N4BP2: variants seen among roughly 807,000 people sequenced by gnomAD.
N4BP2 encodes NEDD4-binding protein 2.
A neutral mutation model predicts 152.8 loss-of-function variants in N4BP2; 91 were observed. That is an observed-to-expected ratio of 0.60 (90% CI 0.50 to 0.71). N4BP2 has a LOEUF of 0.71. N4BP2 is among the 30% of genes least tolerant of loss of function. The pLI is 0.00. For missense variants in N4BP2, 1,923 were observed against 2,059.1 expected (o/e 0.93, Z 1.28); for synonymous variants, 646 against 705.3 (o/e 0.92, Z 1.33).
Position 40,121,779 on chromosome 4 carries a change from G to A in N4BP2, c.3668G>A (p.Ser1223Asn). 1 of 1,614,030 alleles carries A rather than the reference G, an allele frequency of 6.2e-7. No homozygotes were observed. Among genetic ancestry groups the A allele is most frequent in the South Asian group, 1.1e-5 (1 of 91,074 alleles). ...GAATCGATGACAAGTATATTTCCCA[G>A]TGCTGCTGTGGGTCTAAAGAATAAT... is the stretch of plus-strand genomic sequence containing the variant. ...NHESMTSIFP[S>N]AAVGLKNNND... is the part of the protein sequence containing the mutation. Residue 1223 changes from serine (S) to asparagine (N), a missense_variant, in exon 9 of 18, where the codon AGT (serine) becomes AAT (asparagine). Physicochemically the swap from Ser to Asn is conservative, Grantham distance 46 (BLOSUM62 1). Coordinates refer to ENST00000261435, the MANE Select transcript of N4BP2 (RefSeq NM_018177.6).
chr4:40,157,698 A>G lies in N4BP2; in HGVS notation c.*3461A>G, dbSNP rs1721712299. The G allele has an allele frequency of 6.6e-6, 1 of 152,198 alleles. No individual in the cohort carries two copies. The highest frequency in any genetic ancestry group is 1.5e-5 in the Non-Finnish European group (1 of 68,016). The allele number at this position is 152,198 out of a possible 1,614,324, so 9.4% of individuals were successfully genotyped here. On this transcript the variant is annotated 3_prime_UTR_variant, in exon 18 of 18. Coordinates refer to ENST00000261435, the MANE Select transcript of N4BP2 (RefSeq NM_018177.6). ...TAATTTTTCGGTGTAGTAGTTAAAT[A>G]TTGCTCAATTTTTATTTACATGTAA...
chr4:40,113,569 T>A, intron 7 of N4BP2, 61 bp downstream of exon 7: 1 of 1,165,910 alleles, frequency 8.6e-7, no homozygotes, highest in Non-Finnish European at 1.3e-6. Flanking sequence ...AAGGTCCGTT[T>A]AGATTTTTCC....
chr4:40,115,788 A>G (rs939202961), intron 7 of N4BP2, among the ~76,000 whole-genome samples: 10 of 152,134 alleles, frequency 6.6e-5, no homozygotes, highest in African/African-American at 2.4e-4. Context: ...TTTTTTATAC[A>G]TTTCATATTT....
the N4BP2 span, among the ~76,000 whole-genome samples, chr4:40,177,097 C>G: frequency 4.6e-5 from 7 of 152,186 alleles, no homozygotes; most frequent in Admixed American, 2.6e-4. Context: ...GGAAAGCTAG[C>G]CTGCTTCTCT....
At chr4:40,088,500 T>C (rs1392808378) in intron 2 of N4BP2, among the ~76,000 whole-genome samples, 1 of 138,762 alleles carries the variant, frequency 7.2e-6, no homozygotes, top group Non-Finnish European at 1.6e-5. Flanking sequence ...TATCTCATTA[T>C]AGTTTTTTTT....
intron 16 of N4BP2, among the ~76,000 whole-genome samples, chr4:40,149,962 C>T (rs2109280807): frequency 6.6e-6 from 1 of 151,548 alleles, no homozygotes; most frequent in Non-Finnish European, 1.5e-5. Flanking sequence ...CAAGGTAATA[C>T]TTGGTCAAGA....
At chr4:40,171,255 T>C in the N4BP2 span, among the ~76,000 whole-genome samples, 1 of 152,210 alleles carries the variant, frequency 6.6e-6, no homozygotes, top group Non-Finnish European at 1.5e-5. Context: ...CCATCCCTTC[T>C]GCCAAAAACT....
intron 10 of N4BP2, among the ~76,000 whole-genome samples, chr4:40,123,576 A>C (rs1579082788): frequency 6.6e-6 from 1 of 152,020 alleles, no homozygotes; most frequent in Non-Finnish European, 1.5e-5. Flanking sequence ...GCCTTGAACT[A>C]CTGGGCACAT....
chr4:40,160,113 C>T (rs1721818324), downstream of N4BP2, among the ~76,000 whole-genome samples: 1 of 152,122 alleles, frequency 6.6e-6, no homozygotes, highest in Non-Finnish European at 1.5e-5. Context: ...AACAATCACA[C>T]CCGGCCAGGG....
chr4:40,062,120 C>T (rs907876913), intron 1 of N4BP2, among the ~76,000 whole-genome samples: 46 of 148,028 alleles, frequency 3.1e-4, no homozygotes, highest in Non-Finnish European at 2.1e-4. Flanking sequence ...GCTCTGTCAC[C>T]TAGGTGGGAG....
intron 13 of N4BP2, among the ~76,000 whole-genome samples, chr4:40,134,854 C>CTT (rs1238201443): frequency 6.6e-6 from 1 of 151,524 alleles, no homozygotes; most frequent in African/African-American, 2.4e-5. Context: ...TGCTTTCTTG[C>CTT]TTCTTTCTTT....
chr4:40,101,090 G>A (rs1218736613), intron 3 of N4BP2, among the ~76,000 whole-genome samples: 3 of 152,160 alleles, frequency 2.0e-5, no homozygotes, highest in African/African-American at 7.2e-5. Flanking sequence ...CACCTTATGT[G>A]AGATCTTTTC....
At position 40,157,881 on chromosome 4, in the gene N4BP2, G is replaced by A. The variant is rs1721724608; in HGVS notation, c.*3644G>A. The A allele has an allele frequency of 6.6e-6, 1 of 152,032 alleles. No individual in the cohort carries two copies. Among genetic ancestry groups the A allele is most frequent in the African/African-American group, 2.4e-5 (1 of 41,416 alleles). The allele number at this position is 152,032 out of a possible 1,614,324, so 9.4% of individuals were successfully genotyped here. A position where few individuals can be genotyped will look rare whatever the true frequency, so the allele number is the denominator to read the frequency against. On this transcript the variant is annotated 3_prime_UTR_variant, in exon 18 of 18. Coordinates refer to ENST00000261435, the MANE Select transcript of N4BP2 (RefSeq NM_018177.6). ...TTACAGAATTTAATAGAGAAACAAG[G>A]CTAGAACACATCTACATCCTGAAGA...
At chr4:40,090,606 G>GA (rs1029654982) in intron 2 of N4BP2, among the ~76,000 whole-genome samples, 1 of 151,946 alleles carries the variant, frequency 6.6e-6, no homozygotes, top group African/African-American at 2.4e-5. Flanking sequence ...TGTTGATGAG[G>GA]AAAAAAATTG....
chr4:40,123,549 A>G (rs1393323443), intron 10 of N4BP2, among the ~76,000 whole-genome samples: 1 of 152,112 alleles, frequency 6.6e-6, no homozygotes, highest in African/African-American at 2.4e-5. Flanking sequence ...GCAGTGGCAC[A>G]ATCATAGCTC....
At chr4:40,073,082 T>A (rs1030170817) in intron 1 of N4BP2, among the ~76,000 whole-genome samples, 1 of 152,186 alleles carries the variant, frequency 6.6e-6, no homozygotes, top group Non-Finnish European at 1.5e-5. Context: ...GATTCTTGAT[T>A]AGCTATTTAA....
At chr4:40,141,178 G>A (rs1482524196) in intron 14 of N4BP2, among the ~76,000 whole-genome samples, 1 of 151,730 alleles carries the variant, frequency 6.6e-6, no homozygotes, top group Non-Finnish European at 1.5e-5. Flanking sequence ...GGGCAGAGGC[G>A]CCCCTCACCT....
chr4:40,112,227 A>C (rs1716955806), intron 6 of N4BP2, 55 bp downstream of exon 6: 1 of 973,782 alleles, frequency 1.0e-6, no homozygotes, highest in East Asian at 2.6e-5. Context: ...ATTATTGGGG[A>C]ACATTAATTA....
chr4:40,167,268 G>T, the N4BP2 span: 1 of 152,118 alleles, frequency 6.6e-6, no homozygotes, highest in Non-Finnish European at 1.5e-5. Flanking sequence ...CAAGAGAAAA[G>T]CCAGATTTAA....
Sources: allele counts gnomAD v4.1 joint callset (sites outside exome capture counted in the v4.1 genomes callset), GRCh38; gene constraint gnomAD v4.1.1; transcripts MANE v1.5; gene names NCBI Gene and HGNC (gene_info 2026-07-23, HGNC 2026-07-21).